Variants in ETV5 observed in about 807,000 individuals in gnomAD.
The protein encoded by ETV5 is ETS translocation variant 5.
A neutral mutation model predicts 70.0 loss-of-function variants in ETV5; 10 were observed. The observed-to-expected ratio is 0.14, with a 90% CI of 0.09 to 0.24. The LOEUF (loss-of-function observed/expected upper bound fraction) is 0.24. Ranked by LOEUF, ETV5 falls within the 10% of genes least tolerant of loss-of-function variation. ETV5 has a pLI of 1.00. For missense variants in ETV5, 453 were observed against 651.2 expected, an observed-to-expected ratio of 0.70 and a Z score of 3.31; for synonymous variants, 216 against 242.2, an observed-to-expected ratio of 0.89 and a Z score of 1.01.
intron 5 of ETV5, among the ~76,000 whole-genome samples, chr3:186,102,351 G>A (rs1021377007): frequency 3.9e-5 from 6 of 152,200 alleles, no homozygotes; most frequent in Admixed American, 1.3e-4. Flanking sequence ...ATTTGTTACA[G>A]GCCGGGCACA....
intron 5 of ETV5, among the ~76,000 whole-genome samples, chr3:186,085,911 A>G (rs1714047114): frequency 6.6e-6 from 1 of 152,132 alleles, no homozygotes. Context: ...CTGCTCATTC[A>G]GACAGCTACC....
intron 11 of ETV5, among the ~76,000 whole-genome samples, chr3:186,056,186 G>A (rs1713158462): frequency 2.0e-5 from 3 of 152,076 alleles, no homozygotes; most frequent in African/African-American, 7.2e-5. Flanking sequence ...TTCTGTTCTG[G>A]GCACAAAAAC....
Position 186,048,610 on chromosome 3 carries a change from A to G in ETV5, c.*29T>C. 1 of 1,595,128 alleles carries G rather than the reference A, an allele frequency of 6.3e-7. No homozygotes were observed. The highest frequency in any genetic ancestry group is 1.1e-5 in the South Asian group (1 of 90,672). On this transcript the variant is annotated 3_prime_UTR_variant, in exon 13 of 13. Transcript: ENST00000306376. ...TGCCTGAATGGGAACTGCTAGCTCT[A>G]GGGTTTGGCCACTCCGCCACTCAGA...
At chr3:186,062,764 TA>T (rs1374671434) in intron 9 of ETV5, among the ~76,000 whole-genome samples, 6 of 152,270 alleles carry the variant, frequency 3.9e-5, no homozygotes, top group Admixed American at 2.0e-4. Flanking sequence ...GACTATTGTT[TA>T]AAAAAAGACT....
At chr3:186,086,895 C>T (rs547788453) in intron 5 of ETV5, among the ~76,000 whole-genome samples, 1 of 152,068 alleles carries the variant, frequency 6.6e-6, no homozygotes, top group African/African-American at 2.4e-5. Context: ...CACTTGAGCC[C>T]GGGAGGCTGA....
chr3:186,107,591 C>T (rs930104924), intron 1 of ETV5, among the ~76,000 whole-genome samples: 5 of 152,110 alleles, frequency 3.3e-5, no homozygotes, highest in Admixed American at 6.5e-5. Flanking sequence ...AATTGTATTC[C>T]AAGTATAATT....
intron 12 of ETV5, 56 bp from the exon 13 acceptor site, chr3:186,048,916 G>A: frequency 2.8e-6 from 4 of 1,440,768 alleles, no homozygotes; most frequent in Non-Finnish European, 3.9e-6. Flanking sequence ...TGGGATCAGG[G>A]GAAGAGAACG....
chr3:186,098,267 GGAGA>G (rs979189797), intron 5 of ETV5, among the ~76,000 whole-genome samples: 6 of 152,192 alleles, frequency 3.9e-5, no homozygotes, highest in African/African-American at 1.4e-4. Context: ...AGCTACCAGC[GGAGA>G]GAAACAGACT....
At chr3:186,098,146 T>G (rs1714356444) in intron 5 of ETV5, among the ~76,000 whole-genome samples, 1 of 152,328 alleles carries the variant, frequency 6.6e-6, no homozygotes, top group African/African-American at 2.4e-5. Flanking sequence ...TGTGGAAATC[T>G]GCAAGGCTGT....
At position 186,048,092 on chromosome 3, in the gene ETV5, CCT is replaced by C. The variant is rs1270093860; in HGVS notation, c.*545_*546del. 4 of 234,086 alleles carry C rather than the reference CCT, an allele frequency of 1.7e-5. No individual in the cohort carries two copies. Among genetic ancestry groups the C allele is most frequent in the Admixed American group, 5.6e-5 (1 of 17,962 alleles). 14.5% of individuals were successfully genotyped at this position (234,086 alleles called of 1,614,324 possible). ...GGGGAACAGCTGTTCTGACTGCCCCCCTTTTTCTAGACAAGGGGTAATATTTC... is the reference window on the plus strand; with the variant it reads ...GGGGAACAGCTGTTCTGACTGCCCCCTTTTCTAGACAAGGGGTAATATTTC... On this transcript the variant is annotated 3_prime_UTR_variant, in exon 13 of 13. Coordinates refer to ENST00000306376, the MANE Select transcript of ETV5 (RefSeq NM_004454.3).
At position 186,057,707 on chromosome 3, in the gene ETV5, C is replaced by T. The variant is rs1713200276; in HGVS notation, c.971-216G>A. Among the ~76,000 whole-genome samples, 1 of 152,188 alleles carries T rather than the reference C, an allele frequency of 6.6e-6. No individual in the cohort carries two copies. Among genetic ancestry groups the T allele is most frequent in the Admixed American group, 6.5e-5 (1 of 15,278 alleles). On this transcript the variant is annotated intron_variant, in intron 9 of 12. Coordinates refer to ENST00000306376, the MANE Select transcript of ETV5 (RefSeq NM_004454.3). This position sits in a 1 kb window ranked among gnomAD's most constrained non-coding sequence, Gnocchi z 4.9. ...GCCTCAGTCAGAGCAGCATCAATTC[C>T]TGCTTTTACAGCTAAGACTGCAGGG...
intron 1 of ETV5, chr3:186,108,437 C>T (rs990248354): frequency 1.9e-5 from 21 of 1,111,084 alleles, no homozygotes; most frequent in Non-Finnish European, 2.3e-5. Flanking sequence ...TCGACCCCCG[C>T]CCCCGCAGGC....
At chr3:186,081,615 A>G (rs1713936268) in intron 5 of ETV5, among the ~76,000 whole-genome samples, 1 of 152,232 alleles carries the variant, frequency 6.6e-6, no homozygotes, top group Non-Finnish European at 1.5e-5. Flanking sequence ...TTGCTGTGGC[A>G]AATATATTTC....
intron 5 of ETV5, among the ~76,000 whole-genome samples, chr3:186,082,952 TC>T (rs1713966806): frequency 6.6e-6 from 1 of 152,240 alleles, no homozygotes; most frequent in Non-Finnish European, 1.5e-5. Flanking sequence ...CAACTGCTTT[TC>T]CTGAATACAT....
At chr3:186,103,002 A>C (rs548444854) in intron 5 of ETV5, among the ~76,000 whole-genome samples, 1 of 152,282 alleles carries the variant, frequency 6.6e-6, no homozygotes, top group African/African-American at 2.4e-5. Flanking sequence ...CTTCTTAAGC[A>C]AGTTATTCTA....
chr3:186,066,849 G>A (rs542057820), intron 7 of ETV5, among the ~76,000 whole-genome samples: 2 of 152,278 alleles, frequency 1.3e-5, no homozygotes, highest in Admixed American at 1.3e-4. Flanking sequence ...GCAGGTCAAA[G>A]GAATTTAATG....
Position 186,105,100 on chromosome 3 carries a change from C to T in ETV5, c.232+205G>A, listed in dbSNP as rs773347370. The T allele has an allele frequency of 2.1e-6, 1 of 476,648 alleles. No individual in the cohort carries two copies. Among genetic ancestry groups the T allele is most frequent in the African/African-American group, 2.0e-5 (1 of 49,376 alleles). 29.5% of individuals were successfully genotyped at this position (476,648 alleles called of 1,614,324 possible). ...TAGGATAAAATTATGTTCAGTAAATCTTACCTGCAATACAGTAGAAATACT... is the reference window on the plus strand; with the variant it reads ...TAGGATAAAATTATGTTCAGTAAATTTTACCTGCAATACAGTAGAAATACT... On this transcript the variant is annotated intron_variant, in intron 5 of 12. Coordinates refer to ENST00000306376, the MANE Select transcript of ETV5 (RefSeq NM_004454.3). This position sits in a 1 kb window ranked among gnomAD's most constrained non-coding sequence, Gnocchi z 4.5.
At chr3:186,050,412 G>A (rs1712999460) in intron 12 of ETV5, among the ~76,000 whole-genome samples, 1 of 152,144 alleles carries the variant, frequency 6.6e-6, no homozygotes, top group South Asian at 2.1e-4. Context: ...ATCTCCCCAT[G>A]CTGGATGTGG....
intron 5 of ETV5, among the ~76,000 whole-genome samples, chr3:186,097,897 GA>G (rs1348063661): frequency 2.0e-5 from 3 of 152,150 alleles, no homozygotes; most frequent in South Asian, 2.1e-4. Flanking sequence ...GTTATTCATT[GA>G]AAAAGTCTGC....
Sources: gnomAD v4.1 joint callset for allele counts (sites outside exome capture counted in the v4.1 genomes callset) on GRCh38, gnomAD v4.1.1 for gene constraint, Gnocchi (gnomAD v3.1) non-coding constraint, MANE v1.5 for transcripts, NCBI Gene and HGNC (gene_info 2026-07-23, HGNC 2026-07-21) for gene names.